The following ATF7 variants were observed in gnomAD, a reference collection of about 807,000 sequenced individuals.
The protein encoded by ATF7 is cyclic AMP-dependent transcription factor ATF-7.
Under a neutral mutation model 50.4 loss-of-function variants are expected in ATF7, and 10 were observed. That is an observed-to-expected ratio of 0.20 (90% CI 0.12 to 0.34). The LOEUF (loss-of-function observed/expected upper bound fraction) is 0.34, where lower values mean the gene tolerates loss of function less well. Ranked by LOEUF, ATF7 falls within the 10% of genes least tolerant of loss-of-function variation. The pLI is 1.00. For missense variants in ATF7, 465 were observed against 613.9 expected (o/e 0.76, Z 2.56); for synonymous variants, 201 against 226.4 (o/e 0.89, Z 1.01).
chr12:53,508,504 G>C (rs968237257), downstream of ATF7, among the ~76,000 whole-genome samples: 1 of 151,238 alleles, frequency 6.6e-6, no homozygotes, highest in African/African-American at 2.4e-5. Context: ...AGGTTGCAGT[G>C]AGCTGAGATG....
intron 1 of ATF7, among the ~76,000 whole-genome samples, chr12:53,619,441 T>A (rs1429408623): frequency 1.5e-5 from 2 of 134,830 alleles, no homozygotes; most frequent in African/African-American, 5.8e-5. Context: ...GAGCTGAGAT[T>A]ACACCACTGC....
At chr12:53,568,046 A>T (rs1399534419) in intron 2 of ATF7, among the ~76,000 whole-genome samples, 1 of 152,242 alleles carries the variant, frequency 6.6e-6, no homozygotes, top group East Asian at 1.9e-4. Context: ...ACAAAGTTAC[A>T]GAGTGAAAAG....
downstream of ATF7, among the ~76,000 whole-genome samples, chr12:53,508,558 C>A (rs1452365977): frequency 2.0e-5 from 3 of 146,538 alleles, no homozygotes; most frequent in East Asian, 2.0e-4. Context: ...AACTCTGTCT[C>A]AAAAAAAAAA....
intron 3 of ATF7, among the ~76,000 whole-genome samples, chr12:53,547,175 G>A (rs1422380127): frequency 7.3e-5 from 11 of 150,632 alleles, no homozygotes; most frequent in Non-Finnish European, 3.0e-5. Flanking sequence ...TAGTAGAGAT[G>A]GGGTTTCACT....
At chr12:53,621,272 A>G (rs552237916) in intron 1 of ATF7, among the ~76,000 whole-genome samples, 1 of 152,336 alleles carries the variant, frequency 6.6e-6, no homozygotes, top group East Asian at 1.9e-4. Flanking sequence ...GTTAATGTTA[A>G]CATAATGATA....
At chr12:53,528,384 T>C (rs1415269385) in intron 9 of ATF7, among the ~76,000 whole-genome samples, 1 of 152,170 alleles carries the variant, frequency 6.6e-6, no homozygotes, top group African/African-American at 2.4e-5. Flanking sequence ...TCCCAGCACT[T>C]TGGGAGGCCA....
intron 11 of ATF7, among the ~76,000 whole-genome samples, chr12:53,519,053 CAAAA>C (rs773430662): frequency 1.4e-5 from 1 of 73,380 alleles, no homozygotes; most frequent in African/African-American, 4.3e-5. Flanking sequence ...GACTCCGTCT[CAAAA>C]AAAAAAAAAA....
intron 2 of ATF7, among the ~76,000 whole-genome samples, chr12:53,581,173 G>C (rs1217727248): frequency 6.6e-6 from 1 of 151,750 alleles, no homozygotes; most frequent in Non-Finnish European, 1.5e-5. Flanking sequence ...GCTAACAACA[G>C]AGCATCAAAA....
At position 53,532,601 on chromosome 12, in the gene ATF7, A is replaced by G. The variant is rs769158979; in HGVS notation, c.683T>C (p.Val228Ala). Residue 228 changes from valine to alanine, a missense_variant, in exon 8 of 12, where the codon GTG (valine) becomes GCG (alanine). Val to Ala is a moderately conservative substitution (Grantham distance 64). Coordinates refer to ENST00000420353, the MANE Select transcript of ATF7 (RefSeq NM_006856.3). ...VISLARPVSM[V>A]PNIPGIPGPP... is the part of the protein sequence containing the mutation. ...GCCAGGGATACCAGGAATGTTGGGC[A>G]CCATGGACACAGGTCTGGCCAGCTG... 3.1e-6 allele frequency: 5 copies of G among 1,607,262 alleles called. No homozygotes were observed. Among genetic ancestry groups the G allele is most frequent in the Non-Finnish European group, 4.2e-6 (5 of 1,177,048 alleles).
intron 3 of ATF7, among the ~76,000 whole-genome samples, chr12:53,549,204 A>G (rs549342316): frequency 4.7e-5 from 7 of 150,504 alleles, no homozygotes; most frequent in East Asian, 4.0e-4. Flanking sequence ...GGAGAATGGC[A>G]TGAACCCGGG....
intron 2 of ATF7, among the ~76,000 whole-genome samples, chr12:53,599,478 T>C (rs1943296518): frequency 6.6e-6 from 1 of 151,426 alleles, no homozygotes; most frequent in African/African-American, 2.4e-5. Context: ...ATTCTATATA[T>C]ATATATGAAA....
chr12:53,596,231 T>C (rs1463339632), intron 2 of ATF7, among the ~76,000 whole-genome samples: 1 of 151,804 alleles, frequency 6.6e-6, no homozygotes, highest in Non-Finnish European at 1.5e-5. Flanking sequence ...ACCCAGGAGG[T>C]AGAGGTTTCA....
chr12:53,543,309 G>A (rs748320396), intron 4 of ATF7, 21 bp downstream of exon 4: 3 of 1,562,662 alleles, frequency 1.9e-6, no homozygotes, highest in Admixed American at 3.8e-5. Flanking sequence ...CCAGTTTTTT[G>A]GCAACAGTCC....
chr12:53,529,710 T>TACACACAC lies in ATF7; in HGVS notation c.927+2026_927+2033dup, dbSNP rs796404325. ...ATATAAATACATATATATATACACA[T>TACACACAC]ACACACACACACACACACACACACA... On this transcript the variant is annotated intron_variant, in intron 9 of 11. Coordinates refer to ENST00000420353, the MANE Select transcript of ATF7 (RefSeq NM_006856.3). Among the ~76,000 whole-genome samples, 484 of 132,210 alleles carry TACACACAC rather than the reference T, an allele frequency of 3.7e-3. 1 individual carries two copies. Among genetic ancestry groups the TACACACAC allele is most frequent in the East Asian group, 5.8e-3 (24 of 4,144 alleles). 86.7% of individuals were successfully genotyped at this position (132,210 alleles called of 152,430 possible).
intron 2 of ATF7, among the ~76,000 whole-genome samples, chr12:53,587,308 A>T (rs903185785): frequency 4.3e-5 from 6 of 140,300 alleles, no homozygotes; most frequent in African/African-American, 1.6e-4. Context: ...TGGAGGCTGC[A>T]GTTAGCCGAG....
intron 2 of ATF7, among the ~76,000 whole-genome samples, chr12:53,590,725 T>A (rs975103048): frequency 6.6e-6 from 1 of 152,174 alleles, no homozygotes; most frequent in African/African-American, 2.4e-5. Flanking sequence ...CACGTCTAAT[T>A]TCCTCTCCCC....
chr12:53,533,622 A>C (rs1252569823), intron 6 of ATF7, among the ~76,000 whole-genome samples: 1 of 152,186 alleles, frequency 6.6e-6, no homozygotes, highest in Non-Finnish European at 1.5e-5. Flanking sequence ...ATGATGGCCA[A>C]ATCTGAATGT....
intron 1 of ATF7, among the ~76,000 whole-genome samples, chr12:53,621,983 A>G (rs1164081934): frequency 6.6e-6 from 1 of 152,150 alleles, no homozygotes; most frequent in East Asian, 1.9e-4. Context: ...GAAGAGCCTG[A>G]TCTTTTATTT....
chr12:53,527,074 G>A lies in ATF7; in HGVS notation c.928-2313C>T, dbSNP rs113283857. Among the ~76,000 whole-genome samples the A allele has an allele frequency of 9.1e-3, 1,388 of 151,726 alleles. 12 individuals carry two copies. Among genetic ancestry groups the A allele is most frequent in the Middle Eastern group, 0.014 (4 of 286 alleles). On this transcript the variant is annotated intron_variant, in intron 9 of 11. Transcript: ENST00000420353. ...CTCGGGAGGCTGAGGCAGGAGAATCGGTTGAACCTGGGAGGTGGAGGTTGC... is the reference window on the plus strand; with the variant it reads ...CTCGGGAGGCTGAGGCAGGAGAATCAGTTGAACCTGGGAGGTGGAGGTTGC...
Sources: allele counts gnomAD v4.1 joint callset (sites outside exome capture counted in the v4.1 genomes callset), GRCh38; gene constraint gnomAD v4.1.1; transcripts MANE v1.5; gene names NCBI Gene and HGNC (gene_info 2026-07-23, HGNC 2026-07-21).